The following URI1 variants were observed in gnomAD, a reference collection of about 807,000 sequenced individuals.
URI1 encodes URI1 prefoldin like chaperone, also known as unconventional prefoldin RPB5 interactor 1.
Under a neutral mutation model 60.2 loss-of-function variants are expected in URI1, and 39 were observed. The observed-to-expected ratio is 0.65, with a 90% confidence interval of 0.50 to 0.85. URI1 has a LOEUF of 0.85. URI1 is among the 40% of genes least tolerant of loss of function. URI1 has a pLI of 0.00. For missense variants in URI1, 691 were observed against 665.9 expected (o/e 1.04, Z -0.42); for synonymous variants, 251 against 236.8 (o/e 1.06, Z -0.55).
chr19:29,928,156 TG>T (rs1038976570), intron 1 of URI1, among the ~76,000 whole-genome samples: 3 of 152,076 alleles, frequency 2.0e-5, no homozygotes, highest in African/African-American at 7.2e-5. Flanking sequence ...TGACCGCAGC[TG>T]CATGAGCCTC....
chr19:29,980,869 C>T (rs924760451), intron 2 of URI1, among the ~76,000 whole-genome samples: 13 of 145,538 alleles, frequency 8.9e-5, no homozygotes, highest in African/African-American at 2.8e-4. Flanking sequence ...TTGCAGTGAG[C>T]CGAGATCACG....
At chr19:30,012,253 T>C in intron 9 of URI1, 32 bp from the exon 10 acceptor site, 3 of 1,584,596 alleles carry the variant, frequency 1.9e-6, no homozygotes, top group Non-Finnish European at 2.6e-6. Context: ...GAGTTACGTA[T>C]AGTGAATGCA....
intron 1 of URI1, among the ~76,000 whole-genome samples, chr19:29,931,790 A>G (rs1467797347): frequency 1.3e-5 from 2 of 151,834 alleles, no homozygotes; most frequent in Non-Finnish European, 2.9e-5. Flanking sequence ...TGTTTTCTCA[A>G]TTTTCTTTTC....
At chr19:30,000,221 A>G (rs954181207) in intron 4 of URI1, among the ~76,000 whole-genome samples, 2 of 151,934 alleles carry the variant, frequency 1.3e-5, no homozygotes, top group African/African-American at 4.8e-5. Context: ...TCTGTCATTA[A>G]TTCAGTCAGA....
intron 1 of URI1, among the ~76,000 whole-genome samples, chr19:29,962,121 G>T (rs1422263559): frequency 6.6e-6 from 1 of 152,132 alleles, no homozygotes; most frequent in East Asian, 1.9e-4. Context: ...AATTCACAAG[G>T]GTTCCAGTCC....
At chr19:29,974,145 C>A (rs1599690218) in intron 2 of URI1, among the ~76,000 whole-genome samples, 2 of 152,214 alleles carry the variant, frequency 1.3e-5, no homozygotes, top group East Asian at 3.9e-4. Context: ...TGCTCAGAGT[C>A]TCAGTTTTTT....
chr19:30,012,010 C>G (rs902983757), intron 9 of URI1, among the ~76,000 whole-genome samples: 1 of 151,950 alleles, frequency 6.6e-6, no homozygotes, highest in Non-Finnish European at 1.5e-5. Flanking sequence ...AACAAACCTG[C>G]ACGTTGTGCA....
chr19:29,977,132 C>T (rs1351114168), intron 2 of URI1, among the ~76,000 whole-genome samples: 1 of 151,530 alleles, frequency 6.6e-6, no homozygotes, highest in South Asian at 2.1e-4. Flanking sequence ...GATTTTCTCT[C>T]TCTCTTTTTT....
chr19:29,973,800 C>G (rs1219326394), intron 2 of URI1, among the ~76,000 whole-genome samples: 1 of 152,086 alleles, frequency 6.6e-6, no homozygotes, highest in Non-Finnish European at 1.5e-5. Context: ...AGGAAAGATT[C>G]AAGCCTATTG....
At chr19:29,931,333 G>T (rs762649995) in intron 1 of URI1, among the ~76,000 whole-genome samples, 1 of 152,166 alleles carries the variant, frequency 6.6e-6, no homozygotes, top group Non-Finnish European at 1.5e-5. Flanking sequence ...TGATGAAGGT[G>T]TTGGAAAAGC....
intron 4 of URI1, among the ~76,000 whole-genome samples, chr19:30,001,140 C>T (rs935999157): frequency 6.6e-6 from 1 of 151,376 alleles, no homozygotes; most frequent in Non-Finnish European, 1.5e-5. Flanking sequence ...TTCTCTCTTG[C>T]TCTCTTTTTT....
intron 1 of URI1, among the ~76,000 whole-genome samples, chr19:29,943,618 T>A (rs1242722608): frequency 1.3e-5 from 2 of 152,192 alleles, no homozygotes; most frequent in African/African-American, 2.4e-5. Flanking sequence ...GAACGACTGT[T>A]TACATAGATA....
chr19:30,007,909 T>G (rs2055965771), intron 7 of URI1, among the ~76,000 whole-genome samples: 2 of 152,236 alleles, frequency 1.3e-5, no homozygotes, highest in South Asian at 4.1e-4. Context: ...GCCTATTTTA[T>G]ATAATTAATT....
chr19:29,934,337 T>C (rs190813539), intron 1 of URI1, among the ~76,000 whole-genome samples: 2 of 152,330 alleles, frequency 1.3e-5, no homozygotes, highest in East Asian at 1.9e-4. Flanking sequence ...GCTAGGGCCA[T>C]GATAACACTT....
intron 2 of URI1, among the ~76,000 whole-genome samples, chr19:29,975,277 C>A (rs1342764855): frequency 6.6e-6 from 1 of 152,080 alleles, no homozygotes; most frequent in African/African-American, 2.4e-5. Flanking sequence ...CCTATCCCAT[C>A]TCCAGTTTTG....
intron 1 of URI1, among the ~76,000 whole-genome samples, chr19:29,965,560 T>C (rs1267058715): frequency 6.6e-6 from 1 of 152,218 alleles, no homozygotes; most frequent in African/African-American, 2.4e-5. Context: ...AATATTCATA[T>C]GTTTCATTGC....
chr19:29,984,528 G>T (rs959221210), intron 2 of URI1, among the ~76,000 whole-genome samples: 24 of 151,982 alleles, frequency 1.6e-4, no homozygotes, highest in African/African-American at 5.8e-4. Context: ...ATTTTATTTG[G>T]TCCAGATAGT....
chr19:29,989,381 G>A (rs900182054), intron 4 of URI1, among the ~76,000 whole-genome samples: 11 of 148,760 alleles, frequency 7.4e-5, no homozygotes, highest in Non-Finnish European at 1.3e-4. Flanking sequence ...TGAAAGTGCT[G>A]CGATTACAGG....
chr19:29,970,742 A>T (rs1047052400), intron 1 of URI1, among the ~76,000 whole-genome samples: 8 of 152,070 alleles, frequency 5.3e-5, no homozygotes, highest in African/African-American at 1.9e-4. Context: ...ACAGGTGAAA[A>T]TGTTTGGAGA....
Sources: gnomAD v4.1 joint callset for allele counts (sites outside exome capture counted in the v4.1 genomes callset) on GRCh38, gnomAD v4.1.1 for gene constraint, MANE v1.5 for transcripts, NCBI Gene and HGNC (gene_info 2026-07-23, HGNC 2026-07-21) for gene names.